OR52N4: variants seen among roughly 807,000 people sequenced by gnomAD.
OR52N4 encodes olfactory receptor 52N4.
OR52N4 carries 15 observed loss-of-function variants against 15.0 expected under a neutral mutation model. That is an observed-to-expected ratio of 1.00 (90% CI 0.67 to 1.54). The LOEUF is 1.54. Among genes scored for constraint, OR52N4 ranks in the 40% most tolerant of loss-of-function variants. The pLI is 0.00. For missense variants in OR52N4, 421 were observed against 394.0 expected, an observed-to-expected ratio of 1.07 and a Z score of -0.58; for synonymous variants, 143 against 143.7, an observed-to-expected ratio of 1.00 and a Z score of 0.03.
Position 5,755,694 on chromosome 11 carries a change from C to T in OR52N4, c.954C>T (p.Ser318=). The T allele has an allele frequency of 6.2e-7, 1 of 1,612,608 alleles. No homozygotes were observed. The highest frequency in any genetic ancestry group is 8.5e-7 in the Non-Finnish European group (1 of 1,179,134). ...RILSGSKDTK[S]YSM ...TTTCAGGTTCTAAGGATACCAAATC[C>T]TACAGCATGTGAATGAACACTTGCC... Residue 318 remains serine (S), a synonymous_variant, in exon 2 of 2, where the codon TCC becomes TCT. Transcript: ENST00000641350.
chr11:5,746,779 T>C, the OR52N4 span, among the ~76,000 whole-genome samples: 1 of 152,056 alleles, frequency 6.6e-6, no homozygotes, highest in Non-Finnish European at 1.5e-5. Context: ...TTTGAACCAT[T>C]AGAACCACCA....
the OR52N4 span, among the ~76,000 whole-genome samples, chr11:5,729,419 C>G: frequency 6.6e-6 from 1 of 152,038 alleles, no homozygotes; most frequent in Admixed American, 6.5e-5. Context: ...CGTGCCCGGC[C>G]GAGATATTCT....
chr11:5,739,585 T>C, the OR52N4 span, among the ~76,000 whole-genome samples: 5 of 101,590 alleles, frequency 4.9e-5, 1 homozygote, highest in Non-Finnish European at 1.0e-4. Context: ...AAAAAAACCA[T>C]GATAAGTGGG....
At chr11:5,744,105 C>A in the OR52N4 span, among the ~76,000 whole-genome samples, 7 of 152,160 alleles carry the variant, frequency 4.6e-5, no homozygotes, top group Non-Finnish European at 8.8e-5. Flanking sequence ...TCTGAGGGTA[C>A]AAACTAGCAA....
upstream of OR52N4, among the ~76,000 whole-genome samples, chr11:5,752,894 A>T (rs1854219577): frequency 6.6e-6 from 1 of 152,194 alleles, no homozygotes; most frequent in Non-Finnish European, 1.5e-5. Flanking sequence ...AAAGATCACA[A>T]GATGTTACAT....
upstream of OR52N4, among the ~76,000 whole-genome samples, chr11:5,751,436 T>A (rs1854189536): frequency 6.6e-6 from 1 of 152,016 alleles, no homozygotes; most frequent in African/African-American, 2.4e-5. Flanking sequence ...TCTAGTAATC[T>A]TAAGTAAAAC....
the OR52N4 span, among the ~76,000 whole-genome samples, chr11:5,741,269 TTAAGA>T: frequency 6.6e-6 from 1 of 152,324 alleles, no homozygotes; most frequent in East Asian, 1.9e-4. Context: ...GGATAAGATC[TTAAGA>T]CATAAGAACA....
At position 5,755,542 on chromosome 11, in the gene OR52N4, GA is replaced by G; in HGVS notation, c.804del (p.Glu268AspfsTer3). On this transcript the variant is annotated frameshift_variant, in exon 2 of 2. Coordinates refer to ENST00000641350, the MANE Select transcript of OR52N4 (RefSeq NM_001005175.5). LOFTEE classifies it high-confidence loss of function. Reference protein sequence around the residue: ...FFSFFSHRFGEHIIPPSCHII... With the variant: ...FFSFFSHRFGXHIIPPSCHII... ...CTCCTTCTTTTCCCACCGCTTTGGG[GA>G]ACACATAATCCCCCCTTCTTGCCAC... 6.2e-7 allele frequency: 1 copy of G among 1,613,736 alleles called. No homozygotes were observed. The highest frequency in any genetic ancestry group is 2.2e-5 in the East Asian group (1 of 44,856).
At chr11:5,739,523 T>C in the OR52N4 span, among the ~76,000 whole-genome samples, 2 of 103,448 alleles carry the variant, frequency 1.9e-5, no homozygotes, top group Non-Finnish European at 3.9e-5. Flanking sequence ...GATCACACCA[T>C]TGCACTCCAA....
At chr11:5,746,168 A>G in the OR52N4 span, among the ~76,000 whole-genome samples, 7 of 152,334 alleles carry the variant, frequency 4.6e-5, no homozygotes, top group East Asian at 1.3e-3. Flanking sequence ...TAGGTTAAAG[A>G]CTTAATCATA....
At chr11:5,747,758 A>G in the OR52N4 span, among the ~76,000 whole-genome samples, 2 of 152,074 alleles carry the variant, frequency 1.3e-5, no homozygotes, top group Admixed American at 1.3e-4. Context: ...ACTCAATACC[A>G]TCAACAAGTT....
chr11:5,747,969 T>C, the OR52N4 span, among the ~76,000 whole-genome samples: 1 of 152,084 alleles, frequency 6.6e-6, no homozygotes, highest in Non-Finnish European at 1.5e-5. Flanking sequence ...AAATCTATTT[T>C]GAGGAAAATA....
At chr11:5,740,862 T>C in the OR52N4 span, among the ~76,000 whole-genome samples, 1 of 125,218 alleles carries the variant, frequency 8.0e-6, no homozygotes, top group African/African-American at 2.9e-5. Flanking sequence ...AAAAAGAAAA[T>C]TGCATCTCAG....
chr11:5,742,915 G>A, the OR52N4 span, among the ~76,000 whole-genome samples: 13 of 152,084 alleles, frequency 8.5e-5, 1 homozygote, highest in Non-Finnish European at 4.4e-5. Flanking sequence ...GAACAGGAAT[G>A]TACTAAATGC....
At position 5,754,634 on chromosome 11, in the gene OR52N4, G is replaced by A. The variant is rs560301831; in HGVS notation, c.-48-59G>A. On this transcript the variant is annotated intron_variant, in intron 1 of 1. Transcript: ENST00000641350. ...GCATTATGGAATTTTTAAAAGTTGG[G>A]GGAGAGGGAGACAGTAAAAATAACC... 1.2e-5 allele frequency: 14 copies of A among 1,202,446 alleles called. No individual in the cohort carries two copies. In the East Asian group the frequency reaches 3.1e-4, roughly 27 times the overall value. 74.5% of individuals were successfully genotyped at this position (1,202,446 alleles called of 1,614,324 possible). A position where few individuals can be genotyped will look rare whatever the true frequency, so the allele number is the denominator to read the frequency against.
the OR52N4 span, chr11:5,737,266 T>C: frequency 2.5e-6 from 4 of 1,614,150 alleles, no homozygotes; most frequent in Non-Finnish European, 3.4e-6. Context: ...TGAGCACTTG[T>C]AGTTCACATC....
chr11:5,745,366 A>C, the OR52N4 span, among the ~76,000 whole-genome samples: 24 of 152,228 alleles, frequency 1.6e-4, no homozygotes, highest in Non-Finnish European at 2.9e-4. Context: ...ATATAAAATC[A>C]AAGTACAAAG....
chr11:5,754,444 T>C (rs2134213780), intron 1 of OR52N4, 139 bp downstream of exon 1: 2 of 308,544 alleles, frequency 6.5e-6, no homozygotes, highest in Admixed American at 9.1e-5. Context: ...TGGGAATATG[T>C]CTTTTTATAA....
the OR52N4 span, among the ~76,000 whole-genome samples, chr11:5,747,077 CAAAAAAAAAAAAAAAA>C: frequency 5.2e-5 from 3 of 57,262 alleles, no homozygotes; most frequent in African/African-American, 1.5e-4. Context: ...GTAAAAATAC[CAAAAAAAAAAAAAAAA>C]AAAAAAAAAA....
Sources: gnomAD v4.1 joint callset for allele counts (sites outside exome capture counted in the v4.1 genomes callset) on GRCh38, gnomAD v4.1.1 for gene constraint, MANE v1.5 for transcripts, NCBI Gene and HGNC (gene_info 2026-07-23, HGNC 2026-07-21) for gene names.